KIAA1217: variants seen among roughly 807,000 people sequenced by gnomAD.
KIAA1217 encodes the protein sickle tail protein homolog.
A neutral mutation model predicts 163.9 loss-of-function variants in KIAA1217; 88 were observed. The ratio of observed to expected loss-of-function variants is 0.54; its 90% CI spans 0.45 to 0.64. The LOEUF is 0.64. Ranked by LOEUF, KIAA1217 falls within the 30% of genes least tolerant of loss-of-function variation. The pLI, the probability that KIAA1217 is intolerant of heterozygous loss-of-function variation, is 0.00. For synonymous variants in KIAA1217, 903 were observed against 923.1 expected (o/e 0.98, Z 0.39); for missense variants, 2,372 against 2,475.0 (o/e 0.96, Z 0.88).
intron 1 of KIAA1217, among the ~76,000 whole-genome samples, chr10:23,725,060 C>G (rs919083059): frequency 2.6e-5 from 4 of 152,158 alleles, no homozygotes; most frequent in African/African-American, 9.7e-5. Flanking sequence ...AAGGTGCCTC[C>G]CCTCTGGCCT....
intron 3 of KIAA1217, among the ~76,000 whole-genome samples, chr10:24,402,516 C>CAAAAAAAAAAAA (rs372012492): frequency 2.2e-4 from 20 of 92,948 alleles, no homozygotes; most frequent in East Asian, 3.6e-4. Flanking sequence ...CTCAAAAAAA[C>CAAAAAAAAAAAA]AAAAAACAAA....
chr10:24,340,867 C>A (rs143877053), intron 2 of KIAA1217, among the ~76,000 whole-genome samples: 1 of 152,340 alleles, frequency 6.6e-6, no homozygotes, highest in East Asian at 1.9e-4. Context: ...TTCAAGTGAG[C>A]AGAAATGCCT....
intron 2 of KIAA1217, among the ~76,000 whole-genome samples, chr10:24,106,485 T>C (rs2062633444): frequency 6.6e-6 from 1 of 151,744 alleles, no homozygotes; most frequent in East Asian, 1.9e-4. Context: ...TACTAGATTA[T>C]AAAGCCTGTA....
rs555139980 is a variant in KIAA1217, at chr10:24,466,109, G to A, written c.847-7119G>A. Among the ~76,000 whole-genome samples the A allele has an allele frequency of 5.3e-5, 8 of 152,206 alleles. No individual in the cohort carries two copies. In the East Asian group the frequency reaches 1.4e-3, roughly 26 times the overall value. On this transcript the variant is annotated intron_variant, in intron 5 of 20. Transcript: ENST00000376454. Reference sequence around the variant, plus strand: ...TGTTAAACCAGGAGAAGAGGCTTACGTTTCCTTCAGCTGCCAATTCCCAGA... The same window carrying A: ...TGTTAAACCAGGAGAAGAGGCTTACATTTCCTTCAGCTGCCAATTCCCAGA...
At chr10:23,736,159 G>T (rs1838785869) in intron 1 of KIAA1217, among the ~76,000 whole-genome samples, 1 of 152,058 alleles carries the variant, frequency 6.6e-6, no homozygotes, top group Admixed American at 6.5e-5. Context: ...TTACTTCTTT[G>T]CACATGTTAT....
rs115426740 is a variant in KIAA1217 at position 23,978,251 on chromosome 10, T to C, written c.-320-28974T>C. Among the ~76,000 whole-genome samples, 646 of 152,308 alleles carry C rather than the reference T, an allele frequency of 4.2e-3. 5 individuals carry two copies. The highest frequency in any genetic ancestry group is 0.013 in the African/African-American group (550 of 41,570). ...CTGCAAACTCTCCATGTTCTGTCTTTATGCTGGAAGAGCTGAAGCTTCAAC... is the reference window on the plus strand; with the variant it reads ...CTGCAAACTCTCCATGTTCTGTCTTCATGCTGGAAGAGCTGAAGCTTCAAC... On this transcript the variant is annotated intron_variant, in intron 1 of 18. Coordinates refer to the KIAA1217 transcript ENST00000376462.
chr10:24,429,551 C>A (rs118177138), intron 3 of KIAA1217, among the ~76,000 whole-genome samples: 1 of 151,972 alleles, frequency 6.6e-6, no homozygotes, highest in African/African-American at 2.4e-5. Flanking sequence ...TCTGAGATTG[C>A]GTCAACTTTT....
chr10:24,100,315 C>T (rs752491648), intron 2 of KIAA1217, among the ~76,000 whole-genome samples: 1 of 152,138 alleles, frequency 6.6e-6, no homozygotes, highest in Non-Finnish European at 1.5e-5. Context: ...CAGACAGCGA[C>T]CCATTGGGTG....
rs549986152 is a variant in KIAA1217, at chr10:24,176,565, C to T, written c.-170-43061C>T. On this transcript the variant is annotated intron_variant, in intron 2 of 18. Coordinates refer to the KIAA1217 transcript ENST00000376462. ...TGCTGATTGGTGCATCCATGAACCCCGAGCTAGACACAGAGTGCTGATTGG... is the reference window on the plus strand; with the variant it reads ...TGCTGATTGGTGCATCCATGAACCCTGAGCTAGACACAGAGTGCTGATTGG... Among the ~76,000 whole-genome samples, 205 of 147,968 alleles carry T rather than the reference C, an allele frequency of 1.4e-3. 1 individual carries two copies. Among genetic ancestry groups the T allele is most frequent in the African/African-American group, 4.7e-3 (188 of 39,998 alleles).
chr10:24,381,376 C>T (rs1053609804), intron 3 of KIAA1217, among the ~76,000 whole-genome samples: 5 of 152,134 alleles, frequency 3.3e-5, no homozygotes, highest in Admixed American at 2.6e-4. Flanking sequence ...AGTCCCCAGG[C>T]CATGGACCAG....
At chr10:23,703,110 G>GC (rs1836594470) in intron 1 of KIAA1217, among the ~76,000 whole-genome samples, 1 of 152,110 alleles carries the variant, frequency 6.6e-6, no homozygotes, top group East Asian at 1.9e-4. Flanking sequence ...CCTGGTTAAT[G>GC]CCAGGAACTT....
At chr10:24,528,309 G>GTT (rs371117159) in intron 14 of KIAA1217, among the ~76,000 whole-genome samples, 190 bp downstream of exon 14, 10 of 73,928 alleles carry the variant, frequency 1.4e-4, no homozygotes, top group African/African-American at 3.0e-4. Flanking sequence ...CTCTCTTTTT[G>GTT]TTTTTTTTTT....
intron 2 of KIAA1217, among the ~76,000 whole-genome samples, chr10:24,282,599 G>A (rs2078073992): frequency 6.6e-6 from 1 of 151,966 alleles, no homozygotes; most frequent in Non-Finnish European, 1.5e-5. Flanking sequence ...TTGGCCACTG[G>A]GAGCCCTTTC....
At chr10:24,024,310 A>C (rs181393511) in intron 2 of KIAA1217, among the ~76,000 whole-genome samples, 9 of 151,722 alleles carry the variant, frequency 5.9e-5, no homozygotes, top group Admixed American at 3.3e-4. Flanking sequence ...TCCTTCATCC[A>C]TCCTGGTCCT....
chr10:24,371,058 C>G (rs1294913983), intron 2 of KIAA1217, among the ~76,000 whole-genome samples: 3 of 152,156 alleles, frequency 2.0e-5, no homozygotes, highest in Non-Finnish European at 4.4e-5. Flanking sequence ...CATAGTTGAG[C>G]TAGGCTTTAT....
At chr10:24,414,171 C>T (rs60772400) in intron 3 of KIAA1217, among the ~76,000 whole-genome samples, 16,580 of 152,228 alleles carry the variant, frequency 0.11, 2,191 homozygotes, top group African/African-American at 0.31. Flanking sequence ...AGATAATAGT[C>T]CAGTCTGCTT....
chr10:24,311,145 G>A (rs531645741), intron 2 of KIAA1217, among the ~76,000 whole-genome samples: 21 of 152,312 alleles, frequency 1.4e-4, no homozygotes, highest in Admixed American at 2.6e-4. Flanking sequence ...ACCCCAGGCC[G>A]TAGGAGGTGA....
intron 1 of KIAA1217, among the ~76,000 whole-genome samples, chr10:23,797,343 C>T (rs1485111552): frequency 6.6e-6 from 1 of 152,076 alleles, no homozygotes; most frequent in African/African-American, 2.4e-5. Flanking sequence ...CATTTTTAAT[C>T]TCTATTTCAG....
At chr10:24,218,488 CTT>C (rs60914810) in intron 1 of KIAA1217, among the ~76,000 whole-genome samples, 27 of 147,246 alleles carry the variant, frequency 1.8e-4, no homozygotes, top group East Asian at 1.2e-3. Flanking sequence ...TCGATTGTTA[CTT>C]TTTTTTTTTT....
Sources: allele counts gnomAD v4.1 joint callset (sites outside exome capture counted in the v4.1 genomes callset), GRCh38; gene constraint gnomAD v4.1.1; transcripts MANE v1.5; gene names NCBI Gene and HGNC (gene_info 2026-07-23, HGNC 2026-07-21).